PRR11: variants seen among roughly 807,000 people sequenced by gnomAD.
The protein encoded by PRR11 is proline rich 11, also known as proline-rich protein 11.
In PRR11, 30 loss-of-function variants were observed where a neutral mutation model predicts 45.6. That is an observed-to-expected ratio of 0.66 (90% confidence interval 0.49 to 0.89). The LOEUF (loss-of-function observed/expected upper bound fraction) is 0.89, where lower values mean the gene tolerates loss of function less well. Among genes scored for constraint, PRR11 ranks in the 40% least tolerant of loss-of-function variants. The pLI is 0.00. For missense variants in PRR11, 373 were observed against 424.8 expected, an observed-to-expected ratio of 0.88 and a Z score of 1.07; for synonymous variants, 128 against 153.5, an observed-to-expected ratio of 0.83 and a Z score of 1.23.
chr17:59,164,017 T>A (rs2046666995), intron 1 of PRR11, among the ~76,000 whole-genome samples: 1 of 152,096 alleles, frequency 6.6e-6, no homozygotes, highest in Non-Finnish European at 1.5e-5. Flanking sequence ...TGCAGTGAGC[T>A]GAGATCATGC....
chr17:59,190,223 G>A lies in PRR11; in HGVS notation c.403-3269G>A, dbSNP rs563490630. Among the ~76,000 whole-genome samples, 51 of 152,244 alleles carry A rather than the reference G, an allele frequency of 3.3e-4. No homozygotes were observed. The South Asian group carries it at 6.4e-3, about 19-fold the overall frequency. On this transcript the variant is annotated intron_variant, in intron 4 of 9. Transcript: ENST00000262293. ...ACGGTGGCTCACGCCTGTAATCCCA[G>A]CACTTTGGGAGGCCAAGGCTGGCAG...
chr17:59,200,969 C>T (rs1008289191), intron 9 of PRR11, among the ~76,000 whole-genome samples: 1 of 151,398 alleles, frequency 6.6e-6, no homozygotes, highest in African/African-American at 2.4e-5. Flanking sequence ...TATTTCAATA[C>T]GTTTTTGGGG....
In PRR11 at chr17:59,203,125, C is replaced by T. The variant is rs1050323401; in HGVS notation, c.*1494C>T. On this transcript the variant is annotated 3_prime_UTR_variant, in exon 10 of 10. Coordinates refer to ENST00000262293, the MANE Select transcript of PRR11 (RefSeq NM_018304.4). ...AAATAGAGTGTTGTTGTAAAGTCAT[C>T]AGACTAGAAAGCAGACCTGGGGACA... Among the ~76,000 whole-genome samples, 1 of 152,172 alleles carries T rather than the reference C, an allele frequency of 6.6e-6. No individual in the cohort carries two copies. The highest frequency in any genetic ancestry group is 2.4e-5 in the African/African-American group (1 of 41,444).
At chr17:59,187,499 G>T (rs2046819652) in intron 4 of PRR11, among the ~76,000 whole-genome samples, 1 of 151,938 alleles carries the variant, frequency 6.6e-6, no homozygotes, top group African/African-American at 2.4e-5. Flanking sequence ...GAACCCGGGA[G>T]GCAGAGGTTG....
At chr17:59,185,899 C>T (rs1409473443) in intron 4 of PRR11, among the ~76,000 whole-genome samples, 1 of 152,080 alleles carries the variant, frequency 6.6e-6, no homozygotes, top group Non-Finnish European at 1.5e-5. Context: ...AAAGTTTGGT[C>T]AAGTTAGTAG....
intron 2 of PRR11, among the ~76,000 whole-genome samples, chr17:59,172,899 G>C (rs1263953343): frequency 6.6e-6 from 1 of 152,254 alleles, no homozygotes; most frequent in Non-Finnish European, 1.5e-5. Flanking sequence ...GGGCTGAGGA[G>C]TGTGGGCACA....
chr17:59,172,109 A>C (rs946247635), intron 2 of PRR11, among the ~76,000 whole-genome samples: 11 of 152,242 alleles, frequency 7.2e-5, no homozygotes, highest in African/African-American at 2.7e-4. Context: ...GTGTGTATGA[A>C]GCTATCTGTT....
intron 2 of PRR11, chr17:59,177,157 C>T: frequency 1.8e-6 from 1 of 550,788 alleles, no homozygotes; most frequent in Admixed American, 1.9e-5. Flanking sequence ...TAGGAGGAAG[C>T]AAACCACTCA....
At chr17:59,174,423 G>A (rs1038957747) in intron 2 of PRR11, among the ~76,000 whole-genome samples, 2 of 152,080 alleles carry the variant, frequency 1.3e-5, no homozygotes, top group Non-Finnish European at 2.9e-5. Context: ...CTGAACCCTC[G>A]ACCCAAATCG....
chr17:59,191,351 T>C (rs1353839869), intron 4 of PRR11, among the ~76,000 whole-genome samples: 2 of 151,870 alleles, frequency 1.3e-5, no homozygotes, highest in Non-Finnish European at 2.9e-5. Context: ...CCCAAGTAGC[T>C]GGGATTACAG....
At chr17:59,183,332 G>T (rs11650076) in intron 2 of PRR11, among the ~76,000 whole-genome samples, 15,305 of 152,130 alleles carry the variant, frequency 0.1, 1,032 homozygotes, top group South Asian at 0.26. Flanking sequence ...TCAGAGTCCA[G>T]TCTGGTGGGA....
chr17:59,179,613 A>G, intron 2 of PRR11: 1 of 1,514,354 alleles, frequency 6.6e-7, no homozygotes, highest in Non-Finnish European at 8.9e-7. Flanking sequence ...TTTTAAAAGA[A>G]CAGGATTGGA....
In PRR11 at chr17:59,155,763, G is replaced by A; in HGVS notation, c.-48G>A. The A allele has an allele frequency of 6.2e-6, 1 of 162,104 alleles. No individual in the cohort carries two copies. Among genetic ancestry groups the A allele is most frequent in the Non-Finnish European group, 1.4e-5 (1 of 72,708 alleles). 10.0% of individuals were successfully genotyped at this position (162,104 alleles called of 1,614,324 possible). A position where few individuals can be genotyped will look rare whatever the true frequency, so the allele number is the denominator to read the frequency against. On this transcript the variant is annotated 5_prime_UTR_variant, in exon 1 of 10. Transcript: ENST00000262293. ...GAATTTTTCTTTATGGCGTGGGAGA[G>A]GCCACAGCCCGGACTCCATCGACTC...
Position 59,181,178 on chromosome 17 carries a change from CTG to C in PRR11, c.129-3872_129-3871del, listed in dbSNP as rs975061854. Among the ~76,000 whole-genome samples, 45 of 151,508 alleles carry C rather than the reference CTG, an allele frequency of 3.0e-4. 1 individual carries two copies. The highest frequency in any genetic ancestry group is 1.8e-3 in the East Asian group (9 of 5,126). ...CTAATTTTTTATATTTTTAGAAAGA[CTG>C]TGTTTCACCATGTTAGCCAGGATGG... is the stretch of plus-strand genomic sequence containing the variant. On this transcript the variant is annotated intron_variant, in intron 2 of 9. Coordinates refer to ENST00000262293, the MANE Select transcript of PRR11 (RefSeq NM_018304.4).
chr17:59,167,686 C>T (rs968719354), intron 1 of PRR11, among the ~76,000 whole-genome samples: 1 of 152,154 alleles, frequency 6.6e-6, no homozygotes, highest in Non-Finnish European at 1.5e-5. Context: ...CTGAGGGTTC[C>T]TTCCCTTTTT....
intron 1 of PRR11, among the ~76,000 whole-genome samples, chr17:59,157,937 A>G (rs1361312900): frequency 6.6e-6 from 1 of 152,236 alleles, no homozygotes; most frequent in African/African-American, 2.4e-5. Flanking sequence ...GTATACCTGG[A>G]AGTACAAACC....
At chr17:59,167,915 C>T (rs978152432) in intron 1 of PRR11, among the ~76,000 whole-genome samples, 2 of 152,128 alleles carry the variant, frequency 1.3e-5, no homozygotes, top group Admixed American at 6.5e-5. Flanking sequence ...TTGTGCCAAC[C>T]TCCTATCTCA....
At chr17:59,169,224 C>A (rs7223587) in intron 1 of PRR11, among the ~76,000 whole-genome samples, 65,295 of 151,024 alleles carry the variant, frequency 0.43, 16,142 homozygotes, top group African/African-American at 0.69. Context: ...TCAGCCTCCC[C>A]AATAGCTGGG....
At chr17:59,200,129 T>C (rs1229078729) in intron 9 of PRR11, among the ~76,000 whole-genome samples, 2 of 152,218 alleles carry the variant, frequency 1.3e-5, no homozygotes, top group Non-Finnish European at 2.9e-5. Context: ...ATGGCATATG[T>C]TGTGCTGCCA....
Sources: gnomAD v4.1 joint callset for allele counts (sites outside exome capture counted in the v4.1 genomes callset) on GRCh38, gnomAD v4.1.1 for gene constraint, MANE v1.5 for transcripts, NCBI Gene and HGNC (gene_info 2026-07-23, HGNC 2026-07-21) for gene names.